Variants in STIM2 observed in about 807,000 individuals in gnomAD.
The protein encoded by STIM2 is stromal interaction molecule 2.
STIM2 carries 31 observed loss-of-function variants against 85.8 expected under a neutral mutation model. That is an observed-to-expected ratio of 0.36 (90% CI 0.27 to 0.49). The LOEUF (loss-of-function observed/expected upper bound fraction) is 0.49. Among genes scored for constraint, STIM2 ranks in the 20% least tolerant of loss-of-function variants. The pLI, the probability that STIM2 is intolerant of heterozygous loss-of-function variation, is 0.98. For missense variants in STIM2, 841 were observed against 927.6 expected (o/e 0.91, Z 1.21); for synonymous variants, 356 against 331.1 (o/e 1.08, Z -0.82).
intron 2 of STIM2, among the ~76,000 whole-genome samples, chr4:26,920,464 T>G (rs945698885): frequency 2.6e-5 from 4 of 152,212 alleles, no homozygotes; most frequent in Admixed American, 2.6e-4. Context: ...CTTTGAGTGT[T>G]GTCTCATTCT....
At chr4:26,945,187 A>G (rs1252465107) in intron 2 of STIM2, among the ~76,000 whole-genome samples, 1 of 152,176 alleles carries the variant, frequency 6.6e-6, no homozygotes, top group East Asian at 1.9e-4. Context: ...ACAAATGAGA[A>G]CATGCAGTAT....
chr4:26,902,636 C>A (rs1041175775), intron 1 of STIM2, among the ~76,000 whole-genome samples: 10 of 152,180 alleles, frequency 6.6e-5, no homozygotes, highest in Admixed American at 2.0e-4. Context: ...CATTTTAGAT[C>A]ATTCAAAATC....
At chr4:26,973,019 T>C (rs1281799834) in intron 3 of STIM2, among the ~76,000 whole-genome samples, 1 of 152,232 alleles carries the variant, frequency 6.6e-6, no homozygotes, top group Non-Finnish European at 1.5e-5. Flanking sequence ...TTTTCTAGTT[T>C]ATTTGCGTAG....
intron 5 of STIM2, among the ~76,000 whole-genome samples, chr4:27,001,439 G>C (rs1728152085): frequency 6.6e-6 from 1 of 152,072 alleles, no homozygotes. Context: ...CATATCTCTG[G>C]CATATAGACA....
Position 27,002,387 on chromosome 4 carries a change from C to A in STIM2, c.796C>A (p.Gln266Lys). The change falls in exon 6 of 12, where the codon CAG becomes AAG. Residue 266 changes from glutamine to lysine, a missense_variant. Physicochemically the swap from Gln to Lys is moderately conservative, Grantham distance 53. Transcript: ENST00000467087. Reference sequence around the variant, plus strand: ...TGCAGAGCAAAGTCTAATGGACTTACAGGAGAGGTAAGTTCAGAAAAATCA... The same window carrying A: ...TGCAGAGCAAAGTCTAATGGACTTAAAGGAGAGGTAAGTTCAGAAAAATCA... 3 of 1,596,178 alleles carry A rather than the reference C, an allele frequency of 1.9e-6. No individual in the cohort carries two copies. Among genetic ancestry groups the A allele is most frequent in the Non-Finnish European group, 2.6e-6 (3 of 1,174,870 alleles).
chr4:26,903,664 T>C (rs1724012228), intron 1 of STIM2, among the ~76,000 whole-genome samples: 1 of 152,226 alleles, frequency 6.6e-6, no homozygotes, highest in East Asian at 1.9e-4. Flanking sequence ...AAAGGCTAGC[T>C]CAGCTGAGGC....
chr4:26,915,248 T>A (rs1413505937), intron 1 of STIM2, among the ~76,000 whole-genome samples: 1 of 152,140 alleles, frequency 6.6e-6, no homozygotes, highest in African/African-American at 2.4e-5. Context: ...TTATATATAT[T>A]TTTTGAGACA....
At chr4:26,950,339 A>C (rs1454161351) in intron 2 of STIM2, among the ~76,000 whole-genome samples, 1 of 151,136 alleles carries the variant, frequency 6.6e-6, no homozygotes, top group Non-Finnish European at 1.5e-5. Flanking sequence ...CCTATGGTAC[A>C]ATCTACACAC....
chr4:26,863,275 C>A (rs900010877), intron 1 of STIM2, among the ~76,000 whole-genome samples: 10 of 152,052 alleles, frequency 6.6e-5, no homozygotes, highest in African/African-American at 1.9e-4. Flanking sequence ...TAGAAGAATA[C>A]CCTGGAATTA....
intron 1 of STIM2, among the ~76,000 whole-genome samples, chr4:26,914,592 C>G (rs753410690): frequency 6.6e-6 from 1 of 152,116 alleles, no homozygotes. Context: ...TAGATATTTG[C>G]TACATAAATG....
intron 2 of STIM2, among the ~76,000 whole-genome samples, chr4:26,936,926 A>G (rs1461976850): frequency 2.0e-5 from 3 of 152,062 alleles, no homozygotes; most frequent in Non-Finnish European, 4.4e-5. Context: ...AGTAGCTGGG[A>G]TACAGTCATG....
chr4:26,978,171 A>C (rs534603895), intron 3 of STIM2, among the ~76,000 whole-genome samples: 16 of 151,890 alleles, frequency 1.1e-4, no homozygotes, highest in Non-Finnish European at 2.2e-4. Context: ...TGGGACTCTG[A>C]TACATGAAGG....
intron 2 of STIM2, among the ~76,000 whole-genome samples, chr4:26,942,200 T>C (rs1271306311): frequency 6.6e-6 from 1 of 152,134 alleles, no homozygotes; most frequent in Non-Finnish European, 1.5e-5. Context: ...TTATCTTCTC[T>C]CCTACTACTG....
intron 1 of STIM2, among the ~76,000 whole-genome samples, chr4:26,889,566 A>G (rs1723385834): frequency 6.6e-6 from 1 of 152,210 alleles, no homozygotes; most frequent in African/African-American, 2.4e-5. Context: ...GTGGTCCAAT[A>G]TAATCAGCCT....
rs1577399547 is a variant in STIM2 at position 26,860,986 on chromosome 4, A to G, written c.-233A>G. On this transcript the variant is annotated 5_prime_UTR_variant, in exon 1 of 12. Transcript: ENST00000467087. The stretch of plus-strand genomic sequence containing the variant: ...AACGCAGCCGGGATCAGAGCTCCGG[A>G]GGCCGCCGGTGCCGATGGGACCAGG... The G allele has an allele frequency of 1.6e-6, 2 of 1,262,196 alleles. No individual in the cohort carries two copies. The highest frequency in any genetic ancestry group is 1.4e-5 in the South Asian group (1 of 69,094). The allele number at this position is 1,262,196 out of a possible 1,614,324, so 78.2% of individuals were successfully genotyped here.
At chr4:26,913,769 A>G (rs558846711) in intron 1 of STIM2, among the ~76,000 whole-genome samples, 8 of 152,362 alleles carry the variant, frequency 5.3e-5, no homozygotes, top group African/African-American at 1.7e-4. Flanking sequence ...TAATTTAGTA[A>G]ACAAATATAT....
At chr4:26,938,022 T>G (rs925022118) in intron 2 of STIM2, among the ~76,000 whole-genome samples, 50 of 141,248 alleles carry the variant, frequency 3.5e-4, no homozygotes, top group African/African-American at 1.5e-3. Context: ...TTTAAATAGC[T>G]TAATAATTTA....
chr4:26,984,502 A>G (rs1018276685), intron 3 of STIM2, among the ~76,000 whole-genome samples: 5 of 152,154 alleles, frequency 3.3e-5, no homozygotes, highest in African/African-American at 1.2e-4. Flanking sequence ...CTGGGATTAC[A>G]GGTGCATGCC....
chr4:27,000,961 T>C (rs1728130686), intron 5 of STIM2, among the ~76,000 whole-genome samples: 2 of 152,086 alleles, frequency 1.3e-5, no homozygotes, highest in Admixed American at 6.6e-5. Context: ...GAGGCAGAAA[T>C]AAAAAATGCT....
Sources: gnomAD v4.1 joint callset for allele counts (sites outside exome capture counted in the v4.1 genomes callset) on GRCh38, gnomAD v4.1.1 for gene constraint, MANE v1.5 for transcripts, NCBI Gene and HGNC (gene_info 2026-07-23, HGNC 2026-07-21) for gene names.